Variants in FA2H observed in about 807,000 individuals in gnomAD.
FA2H encodes the protein fatty acid 2-hydroxylase.
FA2H carries 22 observed loss-of-function variants against 44.9 expected under a neutral mutation model. The ratio of observed to expected loss-of-function variants is 0.49; its 90% CI spans 0.35 to 0.70. FA2H has a LOEUF of 0.70. FA2H is among the 30% of genes least tolerant of loss of function. The pLI, the probability that FA2H is intolerant of heterozygous loss-of-function variation, is 0.01. For missense variants in FA2H, 501 were observed against 504.9 expected (o/e 0.99, Z 0.07); for synonymous variants, 243 against 213.2 (o/e 1.14, Z -1.22).
chr16:74,718,363 A>T (rs1231462620), intron 5 of FA2H, among the ~76,000 whole-genome samples: 2 of 152,176 alleles, frequency 1.3e-5, no homozygotes, highest in African/African-American at 4.8e-5. Flanking sequence ...ACAGAGAAGC[A>T]GCGGGGGGTA....
intron 1 of FA2H, among the ~76,000 whole-genome samples, chr16:74,771,027 G>A (rs2144668658): frequency 6.6e-6 from 1 of 152,214 alleles, no homozygotes; most frequent in East Asian, 1.9e-4. Flanking sequence ...GCTGGCCAGG[G>A]GTGGCTGTAA....
intron 1 of FA2H, among the ~76,000 whole-genome samples, chr16:74,743,666 A>G (rs1001392699): frequency 1.3e-5 from 2 of 152,150 alleles, no homozygotes; most frequent in African/African-American, 4.8e-5. Flanking sequence ...GCCTCTTTCT[A>G]TCCTCCTTCC....
chr16:74,762,824 G>A (rs560533253), intron 1 of FA2H, among the ~76,000 whole-genome samples: 72 of 152,236 alleles, frequency 4.7e-4, no homozygotes, highest in African/African-American at 1.6e-3. Context: ...CACTGCACCC[G>A]GCCTAGAGTA....
chr16:74,765,998 A>G (rs1238807903), intron 1 of FA2H, among the ~76,000 whole-genome samples: 1 of 152,178 alleles, frequency 6.6e-6, no homozygotes, highest in Non-Finnish European at 1.5e-5. Context: ...CCACAGTGGA[A>G]ATATGTTAAA....
chr16:74,751,226 C>T (rs143261658), intron 1 of FA2H, among the ~76,000 whole-genome samples: 2 of 152,076 alleles, frequency 1.3e-5, no homozygotes, highest in South Asian at 4.1e-4. Context: ...TCCCGAGTAG[C>T]TGGGATTATA....
intron 1 of FA2H, among the ~76,000 whole-genome samples, chr16:74,762,542 T>C (rs1450204574): frequency 1.3e-5 from 2 of 152,038 alleles, no homozygotes; most frequent in Admixed American, 6.6e-5. Context: ...TAGAGTAACT[T>C]TTTTTCAAGA....
At chr16:74,730,542 A>AACAC (rs147325862) in intron 2 of FA2H, among the ~76,000 whole-genome samples, 26 of 150,938 alleles carry the variant, frequency 1.7e-4, no homozygotes, top group East Asian at 1.6e-3. Context: ...TAGGTCTGTA[A>AACAC]ACACACACAC....
intron 1 of FA2H, 49 bp downstream of exon 1, chr16:74,774,437 A>G: frequency 6.8e-7 from 1 of 1,461,492 alleles, no homozygotes; most frequent in Non-Finnish European, 9.0e-7. Context: ...CGGGAGTGGA[A>G]GGCTGACGGA....
chr16:74,713,263 T>G lies in FA2H; in HGVS notation c.*927A>C, dbSNP rs1054974994. ...CCAGCTCCTTGGTCTGGGACCAGACTAAGAACATGTATCTGGTTTATAAAT... is the reference window on the plus strand; with the variant it reads ...CCAGCTCCTTGGTCTGGGACCAGACGAAGAACATGTATCTGGTTTATAAAT... On this transcript the variant is annotated 3_prime_UTR_variant, in exon 7 of 7. Coordinates refer to ENST00000219368, the MANE Select transcript of FA2H (RefSeq NM_024306.5). 6.6e-6 allele frequency: 1 copy of G among 152,662 alleles called. No homozygotes were observed. The highest frequency in any genetic ancestry group is 1.5e-5 in the Non-Finnish European group (1 of 68,052). The allele number at this position is 152,662 out of a possible 1,614,324, so 9.5% of individuals were successfully genotyped here.
chr16:74,716,569 G>C lies in FA2H; in HGVS notation c.817C>G (p.Pro273Ala). 6.3e-7 allele frequency: 1 copy of C among 1,592,852 alleles called. No individual in the cohort carries two copies. The highest frequency in any genetic ancestry group is 8.5e-7 in the Non-Finnish European group (1 of 1,170,068). The change falls in exon 6 of 7, where the codon CCC becomes GCC. Residue 273 changes from proline (P) to alanine (A), a missense_variant. Transcript: ENST00000219368. ...ATCACCAGGGAGGCTGGCACAGGGG[G>C]GAAGACCAGGCGGGAGCCGTCGAAG... is the stretch of plus-strand genomic sequence containing the variant. ...APFDGSRLVF[P>A]PVPASLVIGV...
intron 1 of FA2H, among the ~76,000 whole-genome samples, chr16:74,746,515 C>T (rs1334277980): frequency 5.3e-5 from 8 of 151,728 alleles, no homozygotes; most frequent in African/African-American, 7.3e-5. Context: ...TAAGCCACTG[C>T]GCCTGGCCCT....
intron 1 of FA2H, among the ~76,000 whole-genome samples, chr16:74,741,773 AATATAT>A (rs57773726): frequency 0.081 from 3,904 of 48,066 alleles, 249 homozygotes; most frequent in East Asian, 0.18. Context: ...CACCTGATTA[AATATAT>A]ATATATATAT....
At chr16:74,718,915 G>A in intron 5 of FA2H, 73 bp downstream of exon 5, 1 of 1,561,584 alleles carries the variant, frequency 6.4e-7, no homozygotes, top group East Asian at 2.3e-5. Context: ...CGCAGCACCT[G>A]AAGCTGCGGC....
intron 1 of FA2H, among the ~76,000 whole-genome samples, chr16:74,742,613 T>A (rs995129025): frequency 6.6e-6 from 1 of 152,082 alleles, no homozygotes; most frequent in Admixed American, 6.6e-5. Flanking sequence ...GTGGGAGGAT[T>A]GCTTAAGGCC....
intron 1 of FA2H, among the ~76,000 whole-genome samples, chr16:74,771,347 C>T (rs1393691490): frequency 1.3e-5 from 2 of 151,866 alleles, no homozygotes; most frequent in East Asian, 3.9e-4. Context: ...TGCACCACCA[C>T]GCCCAGCTAA....
In FA2H at chr16:74,713,923, T is replaced by C; in HGVS notation, c.*267A>G. ...CTGTGGCCACGGCCTGAAGCAGTCC[T>C]GTGGGCTGAGCTCTAGGCAGGGACG... On this transcript the variant is annotated 3_prime_UTR_variant, in exon 7 of 7. Coordinates refer to ENST00000219368, the MANE Select transcript of FA2H (RefSeq NM_024306.5). 1 of 508,842 alleles carries C rather than the reference T, an allele frequency of 2.0e-6. No homozygotes were observed. Among genetic ancestry groups the C allele is most frequent in the Non-Finnish European group, 3.6e-6 (1 of 280,400 alleles). 31.5% of individuals were successfully genotyped at this position (508,842 alleles called of 1,614,324 possible).
intron 2 of FA2H, among the ~76,000 whole-genome samples, chr16:74,730,091 A>G (rs1962044009): frequency 6.6e-6 from 1 of 152,160 alleles, no homozygotes; most frequent in Admixed American, 6.5e-5. Flanking sequence ...CGGGTCTTCC[A>G]GGAACTAGCC....
At chr16:74,714,983 C>T (rs8045045) in intron 6 of FA2H, among the ~76,000 whole-genome samples, 35,822 of 151,532 alleles carry the variant, frequency 0.24, 4,736 homozygotes, top group African/African-American at 0.37. Flanking sequence ...ATTACAGGCG[C>T]GCACCACCAT....
chr16:74,715,687 G>A (rs73614645), intron 6 of FA2H, among the ~76,000 whole-genome samples: 1 of 152,214 alleles, frequency 6.6e-6, no homozygotes, highest in African/African-American at 2.4e-5. Context: ...TTATTTTCAT[G>A]TCTTAGTGTG....
Sources: gnomAD v4.1 joint callset for allele counts (sites outside exome capture counted in the v4.1 genomes callset) on GRCh38, gnomAD v4.1.1 for gene constraint, MANE v1.5 for transcripts, NCBI Gene and HGNC (gene_info 2026-07-23, HGNC 2026-07-21) for gene names.